Variants in BRMS1L observed in about 807,000 individuals in gnomAD.
BRMS1L encodes the protein breast cancer metastasis-suppressor 1-like protein.
In BRMS1L, 23 loss-of-function variants were observed where a neutral mutation model predicts 50.3. That is an observed-to-expected ratio of 0.46 (90% CI 0.33 to 0.65). The LOEUF is 0.65. Among genes scored for constraint, BRMS1L ranks in the 30% least tolerant of loss-of-function variants. The probability of loss-of-function intolerance (pLI) is 0.02; values close to 1 mark genes in which losing one functional copy is unlikely to be tolerated. For missense variants in BRMS1L, 286 were observed against 386.1 expected, an observed-to-expected ratio of 0.74 and a Z score of 2.17; for synonymous variants, 114 against 126.9, an observed-to-expected ratio of 0.90 and a Z score of 0.69.
chr14:35,832,602 G>C (rs569024348), intron 2 of BRMS1L, among the ~76,000 whole-genome samples: 24 of 151,788 alleles, frequency 1.6e-4, no homozygotes, highest in Non-Finnish European at 3.1e-4. Context: ...TTTGACAACT[G>C]GTAATGTCTA....
At chr14:35,854,830 G>C (rs1425303783) in intron 4 of BRMS1L, among the ~76,000 whole-genome samples, 2 of 152,190 alleles carry the variant, frequency 1.3e-5, no homozygotes, top group Non-Finnish European at 2.9e-5. Flanking sequence ...CTGCTGGATT[G>C]TTTCAGCTAG....
intron 4 of BRMS1L, among the ~76,000 whole-genome samples, chr14:35,847,583 A>G (rs2078152881): frequency 6.6e-6 from 1 of 152,228 alleles, no homozygotes; most frequent in Non-Finnish European, 1.5e-5. Flanking sequence ...GTCATTCACC[A>G]TTTGAGATTT....
chr14:35,856,086 G>A (rs1277664008), intron 4 of BRMS1L, among the ~76,000 whole-genome samples: 2 of 152,138 alleles, frequency 1.3e-5, no homozygotes, highest in African/African-American at 2.4e-5. Flanking sequence ...CAAGGGAAGC[G>A]GAAAGAAGGA....
chr14:35,830,351 G>A (rs2077903161), intron 1 of BRMS1L, among the ~76,000 whole-genome samples: 1 of 152,144 alleles, frequency 6.6e-6, no homozygotes, highest in Non-Finnish European at 1.5e-5. Flanking sequence ...TTACAGGAGT[G>A]AGCCACCATG....
intron 4 of BRMS1L, among the ~76,000 whole-genome samples, chr14:35,859,517 G>C (rs1180945986): frequency 6.6e-6 from 1 of 152,098 alleles, no homozygotes; most frequent in Non-Finnish European, 1.5e-5. Context: ...TTTTCTTCCT[G>C]AATACTTTTA....
At chr14:35,855,187 ACAGCTTCAT>A (rs1309194642) in intron 4 of BRMS1L, among the ~76,000 whole-genome samples, 1 of 152,244 alleles carries the variant, frequency 6.6e-6, no homozygotes, top group Non-Finnish European at 1.5e-5. Flanking sequence ...TAAGGAAGCC[ACAGCTTCAT>A]CAGGTTAACA....
In BRMS1L at chr14:35,854,242, C is replaced by G. The variant is rs1055222730; in HGVS notation, c.442-8348C>G. On this transcript the variant is annotated intron_variant, in intron 4 of 9. Transcript: ENST00000216807. ...TCCTAGGCATCCCTTCACTAAGAGT[C>G]TCTTAGTGGTAAACTCAGTTTTTAT... Among the ~76,000 whole-genome samples, 4 of 152,220 alleles carry G rather than the reference C, an allele frequency of 2.6e-5. No individual in the cohort carries two copies. The South Asian group carries it at 6.2e-4, about 24-fold the overall frequency.
At chr14:35,831,680 G>A (rs1337265483) in intron 2 of BRMS1L, among the ~76,000 whole-genome samples, 180 bp downstream of exon 2, 2 of 152,162 alleles carry the variant, frequency 1.3e-5, no homozygotes, top group Non-Finnish European at 2.9e-5. Context: ...TGAGGGTTTG[G>A]AGGCAGGGTT....
At chr14:35,855,079 TTCC>T (rs2078263403) in intron 4 of BRMS1L, among the ~76,000 whole-genome samples, 1 of 152,252 alleles carries the variant, frequency 6.6e-6, no homozygotes, top group Non-Finnish European at 1.5e-5. Context: ...GAGATCCCAG[TTCC>T]AGTTCCCTAT....
chr14:35,869,213 T>C (rs1032797361), intron 9 of BRMS1L, among the ~76,000 whole-genome samples: 2 of 152,190 alleles, frequency 1.3e-5, no homozygotes, highest in African/African-American at 4.8e-5. Context: ...GTTTATGTTA[T>C]TGTTTTTGAG....
Position 35,863,865 on chromosome 14 carries a change from G to A in BRMS1L, c.539-5G>A, listed in dbSNP as rs144015451. On this transcript the variant is annotated splice_region_variant and splice_polypyrimidine_tract_variant and intron_variant, in intron 5 of 9. Coordinates refer to ENST00000216807, the MANE Select transcript of BRMS1L (RefSeq NM_032352.4). ...ACTAATACTTAATCTTTATTTACCT[G>A]CCAGAGCTGTGGAATGATGAGCTTC... 1.2e-6 allele frequency: 2 copies of A among 1,613,144 alleles called. No homozygotes were observed. The highest frequency in any genetic ancestry group is 2.2e-5 in the South Asian group (2 of 90,958).
chr14:35,832,428 A>G (rs1280958084), intron 2 of BRMS1L, among the ~76,000 whole-genome samples: 1 of 151,132 alleles, frequency 6.6e-6, no homozygotes, highest in African/African-American at 2.4e-5. Context: ...AATGGCGTGA[A>G]CCCAGGAGGC....
chr14:35,850,243 T>C (rs1033057102), intron 4 of BRMS1L, among the ~76,000 whole-genome samples: 1 of 151,494 alleles, frequency 6.6e-6, no homozygotes, highest in Non-Finnish European at 1.5e-5. Flanking sequence ...GTTTCGCTCT[T>C]GTTGCCCAAG....
intron 7 of BRMS1L, among the ~76,000 whole-genome samples, chr14:35,865,413 A>G (rs1177288820): frequency 1.3e-5 from 2 of 152,174 alleles, no homozygotes; most frequent in African/African-American, 2.4e-5. Flanking sequence ...CAAGAATCAT[A>G]GGCTTTTCTT....
intron 4 of BRMS1L, among the ~76,000 whole-genome samples, chr14:35,856,359 A>G (rs1238216529): frequency 6.6e-6 from 1 of 152,210 alleles, no homozygotes; most frequent in African/African-American, 2.4e-5. Context: ...GGCTTGAGAT[A>G]TGACTATTAA....
At chr14:35,840,482 G>A (rs2078048936) in intron 4 of BRMS1L, among the ~76,000 whole-genome samples, 1 of 151,110 alleles carries the variant, frequency 6.6e-6, no homozygotes, top group Non-Finnish European at 1.5e-5. Context: ...GAATTCGGCT[G>A]TGAATCCATC....
At chr14:35,850,780 C>G (rs901965338) in intron 4 of BRMS1L, among the ~76,000 whole-genome samples, 6 of 152,168 alleles carry the variant, frequency 3.9e-5, no homozygotes, top group Non-Finnish European at 8.8e-5. Context: ...GGTCCAGTTT[C>G]ATTCTTTTGC....
intron 1 of BRMS1L, among the ~76,000 whole-genome samples, chr14:35,828,980 C>G (rs1214141666): frequency 6.7e-6 from 1 of 149,694 alleles, no homozygotes; most frequent in Non-Finnish European, 1.5e-5. Flanking sequence ...CAGTCTTGCT[C>G]TGTCACCCAG....
At chr14:35,833,236 TTTAG>T in intron 3 of BRMS1L, 131 bp downstream of exon 3, 4 of 923,532 alleles carry the variant, frequency 4.3e-6, no homozygotes, top group Non-Finnish European at 6.1e-6. Context: ...ATATTTTACT[TTTAG>T]TTAGCCCACA....
Sources: gnomAD v4.1 joint callset for allele counts (sites outside exome capture counted in the v4.1 genomes callset) on GRCh38, gnomAD v4.1.1 for gene constraint, MANE v1.5 for transcripts, NCBI Gene and HGNC (gene_info 2026-07-23, HGNC 2026-07-21) for gene names.